Variants in RHBDL3 observed in about 807,000 individuals in gnomAD.
RHBDL3 encodes rhomboid like 3, also known as rhomboid-related protein 3.
Under a neutral mutation model 48.2 loss-of-function variants are expected in RHBDL3, and 28 were observed. The observed-to-expected ratio is 0.58, with a 90% CI of 0.43 to 0.80. The LOEUF is 0.80. Ranked by LOEUF, RHBDL3 falls within the 30% of genes least tolerant of loss-of-function variation. The pLI, the probability that RHBDL3 is intolerant of heterozygous loss-of-function variation, is 0.00. For synonymous variants in RHBDL3, 208 were observed against 232.3 expected (o/e 0.90, Z 0.95); for missense variants, 464 against 542.7 (o/e 0.85, Z 1.44).
At chr17:32,310,123 C>T (rs958211039) in intron 7 of RHBDL3, among the ~76,000 whole-genome samples, 1 of 152,124 alleles carries the variant, frequency 6.6e-6, no homozygotes, top group Non-Finnish European at 1.5e-5. Flanking sequence ...CTCCTGCTGG[C>T]CAGAGTTCCA....
intron 6 of RHBDL3, among the ~76,000 whole-genome samples, chr17:32,300,938 T>A (rs1209906995): frequency 6.6e-6 from 1 of 151,742 alleles, no homozygotes; most frequent in African/African-American, 2.4e-5. Context: ...TGGAGTGCAG[T>A]GGCATGATCT....
intron 6 of RHBDL3, 68 bp from the exon 7 acceptor site, chr17:32,305,273 G>C: frequency 9.6e-7 from 1 of 1,038,396 alleles, no homozygotes; most frequent in Non-Finnish European, 1.5e-6. Flanking sequence ...CAGAATCCAA[G>C]GCCTGGGGCT....
At chr17:32,304,429 G>A (rs778485000) in intron 6 of RHBDL3, among the ~76,000 whole-genome samples, 4 of 152,168 alleles carry the variant, frequency 2.6e-5, no homozygotes, top group Non-Finnish European at 5.9e-5. Flanking sequence ...TGCAGGCTTT[G>A]GTCAAGAACA....
chr17:32,309,857 A>G (rs369368559), intron 7 of RHBDL3, among the ~76,000 whole-genome samples: 147,905 of 147,908 alleles, frequency 1, 73,951 homozygotes, highest in Non-Finnish European at 1. Context: ...TCGGGTCACC[A>G]CAACCTCCAC....
intron 8 of RHBDL3, among the ~76,000 whole-genome samples, chr17:32,318,308 A>G (rs1406473726): frequency 6.6e-6 from 1 of 150,600 alleles, no homozygotes; most frequent in African/African-American, 2.5e-5. Context: ...CCTGTGTGAC[A>G]GAGCGAGACC....
chr17:32,320,115 A>AT lies in RHBDL3; in HGVS notation c.944-833dup, dbSNP rs980137497. 1.8e-3 allele frequency among the ~76,000 whole-genome samples: 265 copies of AT among 150,234 alleles called. 3 individuals carry two copies. Among genetic ancestry groups the AT allele is most frequent in the African/African-American group, 5.7e-3 (235 of 40,894 alleles). Reference sequence around the variant, plus strand: ...AGACCTCATCTCTACAAAAAAAAAAATTTTTTTTTTAATTACCCAGATGTG... The same window carrying AT: ...AGACCTCATCTCTACAAAAAAAAAAATTTTTTTTTTTAATTACCCAGATGTG... On this transcript the variant is annotated intron_variant, in intron 8 of 8. Transcript: ENST00000269051.
Position 32,282,039 on chromosome 17 carries a change from A to G in RHBDL3, c.136-2620A>G, listed in dbSNP as rs570941954. Among the ~76,000 whole-genome samples the G allele has an allele frequency of 1.7e-4, 26 of 152,370 alleles. No individual in the cohort carries two copies. In the South Asian group the frequency reaches 4.1e-3, roughly 24 times the overall value. On this transcript the variant is annotated intron_variant, in intron 2 of 8. Coordinates refer to ENST00000269051, the MANE Select transcript of RHBDL3 (RefSeq NM_138328.3). Reference sequence around the variant, plus strand: ...TCGTCTGTAATATGGGGACATGGATAGGATCTGCTACATAAAGTTGTGTAG... The same window carrying G: ...TCGTCTGTAATATGGGGACATGGATGGGATCTGCTACATAAAGTTGTGTAG...
At chr17:32,293,438 C>T (rs1219599168) in intron 4 of RHBDL3, among the ~76,000 whole-genome samples, 1 of 151,918 alleles carries the variant, frequency 6.6e-6, no homozygotes, top group Non-Finnish European at 1.5e-5. Flanking sequence ...AAAAATCAGC[C>T]AGGTGTGGTG....
In RHBDL3 at chr17:32,283,052, G is replaced by A. The variant is rs1278521017; in HGVS notation, c.136-1607G>A. ...TTGACCATCTAGAAAAGGCGAAAACGTGGGTTTGGTATTCCGGACTCCCTC... is the reference window on the plus strand; with the variant it reads ...TTGACCATCTAGAAAAGGCGAAAACATGGGTTTGGTATTCCGGACTCCCTC... On this transcript the variant is annotated intron_variant, in intron 2 of 8. Transcript: ENST00000269051. Among the ~76,000 whole-genome samples the A allele has an allele frequency of 1.3e-5, 2 of 152,306 alleles. 1 individual carries two copies. Among genetic ancestry groups the A allele is most frequent in the South Asian group, 4.1e-4 (2 of 4,820 alleles).
intron 2 of RHBDL3, among the ~76,000 whole-genome samples, chr17:32,276,082 A>G (rs2039890196): frequency 6.6e-6 from 1 of 152,176 alleles, no homozygotes; most frequent in Admixed American, 6.5e-5. Flanking sequence ...GTATCTGTTA[A>G]GTGGGACGAA....
At chr17:32,298,262 C>A (rs1469752364) in intron 6 of RHBDL3, 58 bp downstream of exon 6, 5 of 1,178,942 alleles carry the variant, frequency 4.2e-6, no homozygotes, top group South Asian at 1.3e-5. Context: ...GGGTGGGAGA[C>A]CCTGTGGGGC....
chr17:32,323,792 C>G lies in RHBDL3; in HGVS notation c.*2563C>G, dbSNP rs907036389. 1.0e-4 allele frequency: 16 copies of G among 152,742 alleles called. No individual in the cohort carries two copies. The highest frequency in any genetic ancestry group is 3.9e-4 in the African/African-American group (16 of 41,450). The allele number at this position is 152,742 out of a possible 1,614,324, so 9.5% of individuals were successfully genotyped here. A position where few individuals can be genotyped will look rare whatever the true frequency, so the allele number is the denominator to read the frequency against. On this transcript the variant is annotated 3_prime_UTR_variant, in exon 9 of 9. Transcript: ENST00000269051. Reference sequence around the variant, plus strand: ...CTGTTCTCTGTCAGCACACCCACCTCCATCCCCTCTCCCAACCATGACTTC... The same window carrying G: ...CTGTTCTCTGTCAGCACACCCACCTGCATCCCCTCTCCCAACCATGACTTC...
At chr17:32,282,865 A>G (rs915367495) in intron 2 of RHBDL3, among the ~76,000 whole-genome samples, 3 of 152,020 alleles carry the variant, frequency 2.0e-5, no homozygotes, top group Non-Finnish European at 4.4e-5. Context: ...CTCGTGATCC[A>G]CCTGCCTCGG....
intron 8 of RHBDL3, among the ~76,000 whole-genome samples, chr17:32,316,705 T>TGG (rs71362827): frequency 1.3e-5 from 2 of 151,900 alleles, no homozygotes; most frequent in Non-Finnish European, 2.9e-5. Flanking sequence ...TTGGCAGAGA[T>TGG]GGGGGTCTTG....
At chr17:32,308,877 C>T (rs1389244806) in intron 7 of RHBDL3, among the ~76,000 whole-genome samples, 1 of 151,842 alleles carries the variant, frequency 6.6e-6, no homozygotes, top group African/African-American at 2.4e-5. Context: ...ACCAGCCTGA[C>T]CAACATGGTG....
intron 7 of RHBDL3, among the ~76,000 whole-genome samples, chr17:32,309,308 T>A (rs559549584): frequency 3.9e-5 from 6 of 151,982 alleles, no homozygotes; most frequent in African/African-American, 1.4e-4. Flanking sequence ...ATCCCGGCAC[T>A]TTGGGAGGGC....
At chr17:32,272,282 C>G (rs550970401) in intron 2 of RHBDL3, among the ~76,000 whole-genome samples, 2 of 152,242 alleles carry the variant, frequency 1.3e-5, no homozygotes, top group African/African-American at 4.8e-5. Context: ...TTTCTGACTT[C>G]CAGTGTCTCC....
intron 5 of RHBDL3, among the ~76,000 whole-genome samples, chr17:32,295,393 C>T (rs2040423915): frequency 6.6e-6 from 1 of 152,220 alleles, no homozygotes; most frequent in Non-Finnish European, 1.5e-5. Flanking sequence ...CGCCTCTGCT[C>T]AGGCCAAAGA....
intron 2 of RHBDL3, among the ~76,000 whole-genome samples, chr17:32,272,263 T>C (rs551627953): frequency 6.6e-6 from 1 of 152,356 alleles, no homozygotes; most frequent in South Asian, 2.1e-4. Flanking sequence ...GCCCAGAGGA[T>C]TTTTTTGCTT....
Sources: gnomAD v4.1 joint callset for allele counts (sites outside exome capture counted in the v4.1 genomes callset) on GRCh38, gnomAD v4.1.1 for gene constraint, MANE v1.5 for transcripts, NCBI Gene and HGNC (gene_info 2026-07-23, HGNC 2026-07-21) for gene names.